Variants in XPO4 observed in about 807,000 individuals in gnomAD.
The protein encoded by XPO4 is exportin 4, also known as exportin-4.
A neutral mutation model predicts 143.0 loss-of-function variants in XPO4; 39 were observed. That is an observed-to-expected ratio of 0.27 (90% confidence interval 0.21 to 0.36). The LOEUF (loss-of-function observed/expected upper bound fraction) is 0.36. Among genes scored for constraint, XPO4 ranks in the 10% least tolerant of loss-of-function variants. The probability of loss-of-function intolerance (pLI) is 1.00; values close to 1 mark genes in which losing one functional copy is unlikely to be tolerated. For synonymous variants in XPO4, 439 were observed against 474.0 expected, an observed-to-expected ratio of 0.93 and a Z score of 0.96; for missense variants, 907 against 1,348.0, an observed-to-expected ratio of 0.67 and a Z score of 5.12.
chr13:20,830,883 C>G (rs554903174), intron 6 of XPO4, among the ~76,000 whole-genome samples: 2 of 151,996 alleles, frequency 1.3e-5, no homozygotes, highest in Non-Finnish European at 2.9e-5. Flanking sequence ...TTATTATTCA[C>G]GTACATGCAT....
chr13:20,847,869 C>T (rs896472267), intron 4 of XPO4, among the ~76,000 whole-genome samples: 1 of 152,200 alleles, frequency 6.6e-6, no homozygotes, highest in Non-Finnish European at 1.5e-5. Context: ...CTTCACTTAT[C>T]TAAGATCATG....
At chr13:20,873,672 C>G (rs186798406) in intron 1 of XPO4, among the ~76,000 whole-genome samples, 353 of 152,236 alleles carry the variant, frequency 2.3e-3, no homozygotes, top group African/African-American at 7.6e-3. Context: ...ACTCTGTTAC[C>G]CAGGCTGGAG....
At position 20,798,849 on chromosome 13, in the gene XPO4, G is replaced by A. The variant is rs184549761; in HGVS notation, c.2322+316C>T. Among the ~76,000 whole-genome samples, 27 of 151,882 alleles carry A rather than the reference G, an allele frequency of 1.8e-4. No individual in the cohort carries two copies. The East Asian group carries it at 4.3e-3, about 24-fold the overall frequency. On this transcript the variant is annotated intron_variant, in intron 16 of 22. Transcript: ENST00000255305. ...AGCCTGGCCAACATGGCAAAAGCCC[G>A]TCTCTACTAAAAAAAACAAAAATTA...
intron 10 of XPO4, 129 bp from the exon 11 acceptor site, chr13:20,809,354 T>A: frequency 8.8e-7 from 1 of 1,138,090 alleles, no homozygotes; most frequent in African/African-American, 1.6e-5. Context: ...ACAGCCGACC[T>A]TTGAGCACAG....
At chr13:20,890,847 C>T (rs2060507284) in intron 1 of XPO4, among the ~76,000 whole-genome samples, 3 of 149,602 alleles carry the variant, frequency 2.0e-5, no homozygotes, top group African/African-American at 4.9e-5. Context: ...TTGGCTCATG[C>T]CTGTAATCTC....
intron 1 of XPO4, among the ~76,000 whole-genome samples, chr13:20,896,808 T>C (rs1466639454): frequency 1.3e-5 from 2 of 152,208 alleles, no homozygotes; most frequent in African/African-American, 4.8e-5. Flanking sequence ...ATATCATCAT[T>C]TAATACATGG....
intron 6 of XPO4, among the ~76,000 whole-genome samples, chr13:20,832,923 A>T (rs2059870815): frequency 6.6e-6 from 1 of 152,192 alleles, no homozygotes; most frequent in Non-Finnish European, 1.5e-5. Flanking sequence ...AGTTAAAAAA[A>T]AAAAGTTTAC....
At chr13:20,901,670 T>A (rs770143867) in intron 1 of XPO4, among the ~76,000 whole-genome samples, 27 of 152,156 alleles carry the variant, frequency 1.8e-4, no homozygotes, top group Non-Finnish European at 3.2e-4. Context: ...CAAACTACGC[T>A]AGAATTAGTT....
intron 7 of XPO4, among the ~76,000 whole-genome samples, chr13:20,825,086 A>C (rs1251079290): frequency 2.0e-5 from 3 of 152,316 alleles, no homozygotes; most frequent in African/African-American, 7.2e-5. Flanking sequence ...TGAGCAAAGA[A>C]GGAAGAGACC....
At chr13:20,890,010 C>T (rs554426653) in intron 1 of XPO4, among the ~76,000 whole-genome samples, 9 of 152,216 alleles carry the variant, frequency 5.9e-5, no homozygotes, top group African/African-American at 2.2e-4. Context: ...TTTGCTGATG[C>T]TAGAGCAAGA....
At chr13:20,818,818 C>T (rs1334149134) in intron 9 of XPO4, among the ~76,000 whole-genome samples, 1 of 152,012 alleles carries the variant, frequency 6.6e-6, no homozygotes, top group South Asian at 2.1e-4. Flanking sequence ...CCCCCTCCCC[C>T]TCCCCTTTGT....
chr13:20,879,248 G>T (rs1221635241), intron 1 of XPO4: 8 of 985,160 alleles, frequency 8.1e-6, no homozygotes, highest in Non-Finnish European at 9.6e-6. Flanking sequence ...GATCCTCAGC[G>T]CAAGGGTAAA....
rs541359998 is a variant in XPO4, at chr13:20,821,693, T to C, written c.1173+11A>G. 20 of 1,606,330 alleles carry C rather than the reference T, an allele frequency of 1.2e-5. No homozygotes were observed. The East Asian group carries it at 1.3e-4, about 11-fold the overall frequency. ...AAAACTGACACAATTTACTTTAGAA[T>C]AGTCACTCACCACTTCTTCCAATGC... On this transcript the variant is annotated intron_variant, in intron 9 of 22. Coordinates refer to ENST00000255305, the MANE Select transcript of XPO4 (RefSeq NM_022459.5).
chr13:20,864,654 C>A (rs563498529), intron 2 of XPO4, among the ~76,000 whole-genome samples: 13 of 152,310 alleles, frequency 8.5e-5, no homozygotes, highest in African/African-American at 3.1e-4. Flanking sequence ...TTAATGATCA[C>A]TGAAACATTC....
At chr13:20,896,060 T>A (rs1356015314) in intron 1 of XPO4, among the ~76,000 whole-genome samples, 2 of 152,232 alleles carry the variant, frequency 1.3e-5, no homozygotes, top group African/African-American at 2.4e-5. Flanking sequence ...ACTTGTAGCA[T>A]ACTTCCCTAT....
intron 3 of XPO4, chr13:20,856,765 A>G: frequency 1.0e-5 from 9 of 868,296 alleles, no homozygotes; most frequent in Non-Finnish European, 1.2e-5. Flanking sequence ...AACTGCAGAC[A>G]TATTGACCTT....
intron 6 of XPO4, among the ~76,000 whole-genome samples, chr13:20,833,560 A>G (rs1458996692): frequency 6.6e-6 from 1 of 152,094 alleles, no homozygotes; most frequent in African/African-American, 2.4e-5. Flanking sequence ...TAATTGTTGT[A>G]TTGTTATTTT....
intron 1 of XPO4, among the ~76,000 whole-genome samples, chr13:20,881,923 C>A (rs1228350201): frequency 6.6e-6 from 1 of 151,748 alleles, no homozygotes; most frequent in Non-Finnish European, 1.5e-5. Context: ...GTCTGGCCAA[C>A]AGGGTGAAAC....
At position 20,777,504 on chromosome 13, in the gene XPO4, C is replaced by T. The variant is rs925246749; in HGVS notation, c.*6218G>A. The stretch of plus-strand genomic sequence containing the variant: ...GACATTGAATCTAGGTCTGCCTCTA[C>T]CCTGCAGTCTACCAGTTCAAGTAGC... On this transcript the variant is annotated 3_prime_UTR_variant, in exon 23 of 23. Transcript: ENST00000255305. The T allele has an allele frequency of 3.9e-5, 6 of 152,194 alleles. No homozygotes were observed. The highest frequency in any genetic ancestry group is 8.8e-5 in the Non-Finnish European group (6 of 68,032). The allele number at this position is 152,194 out of a possible 1,614,324, so 9.4% of individuals were successfully genotyped here.
Sources: allele counts gnomAD v4.1 joint callset (sites outside exome capture counted in the v4.1 genomes callset), GRCh38; gene constraint gnomAD v4.1.1; transcripts MANE v1.5; gene names NCBI Gene and HGNC (gene_info 2026-07-23, HGNC 2026-07-21).